The following ANKRD36B variants were observed in gnomAD, a reference collection of about 807,000 sequenced individuals.
ANKRD36B encodes ankyrin repeat domain-containing protein 36B.
A neutral mutation model predicts 135.7 loss-of-function variants in ANKRD36B; 37 were observed. The ratio of observed to expected loss-of-function variants is 0.27; its 90% CI spans 0.21 to 0.36. The LOEUF (loss-of-function observed/expected upper bound fraction) is 0.36, where lower values mean the gene tolerates loss of function less well. Ranked by LOEUF, ANKRD36B falls within the 10% of genes least tolerant of loss-of-function variation. ANKRD36B has a pLI of 1.00. For synonymous variants in ANKRD36B, 179 were observed against 348.1 expected, an observed-to-expected ratio of 0.51 and a Z score of 5.41; for missense variants, 549 against 1,037.1, an observed-to-expected ratio of 0.53 and a Z score of 6.46.
At position 97,589,598 on chromosome 2, in the gene ANKRD36B, G is replaced by T. The variant is rs1559261610; in HGVS notation, c.88C>A (p.Arg30Ser). The T allele has an allele frequency of 1.2e-6, 2 of 1,613,820 alleles. No homozygotes were observed. The highest frequency in any genetic ancestry group is 2.7e-5 in the African/African-American group (2 of 74,888). Residue 30 changes from arginine to serine, a missense_variant, in exon 1 of 44, where the codon CGT becomes AGT. Arg to Ser is a moderately radical substitution (Grantham distance 110). Transcript: ENST00000359901. ...TACTTCAGTTTCTCCAGATTACCACGTAAGACAGCTCTGTGGATCCTCTTC... is the reference window on the plus strand; with the variant it reads ...TACTTCAGTTTCTCCAGATTACCACTTAAGACAGCTCTGTGGATCCTCTTC... ...HLKRIHRAVL[R>S]GNLEKLKYLL...
chr2:97,589,792 GCAA>G lies in ANKRD36B; in HGVS notation c.-110_-108del. On this transcript the variant is annotated 5_prime_UTR_variant, in exon 1 of 44. Coordinates refer to ENST00000359901, the MANE Select transcript of ANKRD36B (RefSeq NM_001393939.1). ...CTTCGGGGATCGCCGCCTCCGAAGAGCAACAACAGGCAAAGCAGTCTGTGCACG... is the reference window on the plus strand; with the variant it reads ...CTTCGGGGATCGCCGCCTCCGAAGAGCAACAGGCAAAGCAGTCTGTGCACG... The G allele has an allele frequency of 6.5e-7, 1 of 1,541,938 alleles. No homozygotes were observed. The highest frequency in any genetic ancestry group is 8.9e-7 in the Non-Finnish European group (1 of 1,126,600).
chr2:97,559,746 T>G (rs554852088), intron 8 of ANKRD36B, among the ~76,000 whole-genome samples: 26 of 152,116 alleles, frequency 1.7e-4, no homozygotes, highest in African/African-American at 6.3e-4. Flanking sequence ...TAATAAGTTT[T>G]ACATTCAGAA....
chr2:97,532,188 T>C, intron 35 of ANKRD36B, 123 bp downstream of exon 35: 1 of 501,440 alleles, frequency 2.0e-6, no homozygotes, highest in South Asian at 1.7e-5. Context: ...AAATGAAATA[T>C]TAAATTATAA....
At chr2:97,533,809 G>C (rs1004720792) in intron 34 of ANKRD36B, among the ~76,000 whole-genome samples, 2 of 95,362 alleles carry the variant, frequency 2.1e-5, no homozygotes, top group African/African-American at 6.3e-5. Context: ...TGTAATCACA[G>C]CACTTTGGGA....
Position 97,513,185 on chromosome 2 carries a change from T to G in ANKRD36B, c.2800A>C (p.Asn934His). The G allele has an allele frequency of 7.1e-7, 1 of 1,404,984 alleles. No homozygotes were observed. Among genetic ancestry groups the G allele is most frequent in the Non-Finnish European group, 9.4e-7 (1 of 1,061,774 alleles). The allele number at this position is 1,404,984 out of a possible 1,614,324, so 87.0% of individuals were successfully genotyped here. The change falls in exon 38 of 44, where the codon AAT becomes CAT. Residue 934 changes from asparagine (N) to histidine (H), a missense_variant. Coordinates refer to ENST00000359901, the MANE Select transcript of ANKRD36B (RefSeq NM_001393939.1). Reference protein sequence around the residue: ...VELKTGGNNSNQVSETDEKED... With the variant: ...VELKTGGNNSHQVSETDEKED... ...TTTACCAAACATTAATTTACCTGAT[T>G]TGAATTATTTCCTCCTGTCTTCAAT...
Position 97,539,374 on chromosome 2 carries a change from A to C in ANKRD36B, c.1987+660T>G, listed in dbSNP as rs1344151998. Among the ~76,000 whole-genome samples the C allele has an allele frequency of 2.1e-5, 2 of 96,848 alleles. 1 individual carries two copies. The highest frequency in any genetic ancestry group is 5.5e-5 in the Non-Finnish European group (2 of 36,370). The allele number at this position is 96,848 out of a possible 152,430, so 63.5% of individuals were successfully genotyped here. On this transcript the variant is annotated intron_variant, in intron 30 of 43. Transcript: ENST00000359901. The stretch of plus-strand genomic sequence containing the variant: ...ACATATATCTCTGACACCCAAGAGT[A>C]ACAAAGAGGAGCAATGAGTCACTGT...
Position 97,553,151 on chromosome 2 carries a change from G to A in ANKRD36B, c.1273+17C>T. ...ATCTGGATTGAACATGACATTGAAT[G>A]TGTTTTGCAAAATTACCTGTCCCAG... On this transcript the variant is annotated intron_variant, in intron 16 of 43. Transcript: ENST00000359901. 6.2e-7 allele frequency: 1 copy of A among 1,607,282 alleles called. No homozygotes were observed. The highest frequency in any genetic ancestry group is 8.5e-7 in the Non-Finnish European group (1 of 1,175,968).
In ANKRD36B at chr2:97,524,788, G is replaced by GT. The variant is rs1486296527; in HGVS notation, c.2266-1322dup. On this transcript the variant is annotated intron_variant, in intron 35 of 43. Transcript: ENST00000359901. Reference sequence around the variant, plus strand: ...TAACTTATTTGTGATGAATTTTAAAGTTTTTTTACCCTAATTTGTCTTGTT... The same window carrying GT: ...TAACTTATTTGTGATGAATTTTAAAGTTTTTTTTACCCTAATTTGTCTTGTT... 1.1e-4 allele frequency: 11 copies of GT among 96,960 alleles called. 5 individuals carry two copies. The highest frequency in any genetic ancestry group is 2.8e-4 in the African/African-American group (9 of 32,352). 6.0% of individuals were successfully genotyped at this position (96,960 alleles called of 1,614,324 possible).
At chr2:97,546,998 G>A (rs2079530343) in intron 22 of ANKRD36B, among the ~76,000 whole-genome samples, 1 of 151,582 alleles carries the variant, frequency 6.6e-6, no homozygotes, top group Non-Finnish European at 1.5e-5. Flanking sequence ...TGCATCTGAA[G>A]TGAGTTCACT....
chr2:97,579,996 T>C lies in ANKRD36B; in HGVS notation c.557+466A>G, dbSNP rs139220034. On this transcript the variant is annotated intron_variant, in intron 4 of 43. Coordinates refer to ENST00000359901, the MANE Select transcript of ANKRD36B (RefSeq NM_001393939.1). The stretch of plus-strand genomic sequence containing the variant: ...TGTGTGAACCTAAAGCTTGTCTTCA[T>C]TGAAGTAAAGTTTTATCCATCTAAA... Among the ~76,000 whole-genome samples, 69 of 152,342 alleles carry C rather than the reference T, an allele frequency of 4.5e-4. 1 individual carries two copies. Among genetic ancestry groups the C allele is most frequent in the African/African-American group, 1.4e-3 (58 of 41,558 alleles).
intron 18 of ANKRD36B, among the ~76,000 whole-genome samples, chr2:97,550,559 T>C (rs1170619193): frequency 6.6e-6 from 1 of 151,858 alleles, no homozygotes; most frequent in Admixed American, 6.6e-5. Context: ...GCCAATGTGT[T>C]CATATTCAAG....
In ANKRD36B at chr2:97,540,139, A is replaced by G. The variant is rs754550388; in HGVS notation, c.1915-33T>C. On this transcript the variant is annotated intron_variant, in intron 29 of 43. Coordinates refer to ENST00000359901, the MANE Select transcript of ANKRD36B (RefSeq NM_001393939.1). Reference sequence around the variant, plus strand: ...GAATTTGAAACAAAATAATAAATAAATAAAGTATGTTTCATAGACTATACA... The same window carrying G: ...GAATTTGAAACAAAATAATAAATAAGTAAAGTATGTTTCATAGACTATACA... 28 of 941,534 alleles carry G rather than the reference A, an allele frequency of 3.0e-5. 7 individuals carry two copies. The African/African-American group carries it at 4.8e-4, about 16-fold the overall frequency. The allele number at this position is 941,534 out of a possible 1,614,324, so 58.3% of individuals were successfully genotyped here.
At chr2:97,535,970 C>T (rs2078866446) in intron 34 of ANKRD36B, among the ~76,000 whole-genome samples, 1 of 93,802 alleles carries the variant, frequency 1.1e-5, no homozygotes, top group South Asian at 2.4e-4. Context: ...GAGGCTGAGG[C>T]AGGAGAATTG....
At chr2:97,547,778 A>G in intron 20 of ANKRD36B, 47 bp from the exon 21 acceptor site, 2 of 1,539,570 alleles carry the variant, frequency 1.3e-6, no homozygotes, top group Non-Finnish European at 8.8e-7. Flanking sequence ...AAAAATGACA[A>G]AATTATCCAC....
intron 18 of ANKRD36B, among the ~76,000 whole-genome samples, chr2:97,549,845 A>G (rs915487075): frequency 1.3e-5 from 2 of 151,928 alleles, no homozygotes; most frequent in South Asian, 2.1e-4. Flanking sequence ...GATTTCTCAT[A>G]TGTCAAAAAC....
At chr2:97,546,826 A>G (rs977109825) in intron 22 of ANKRD36B, among the ~76,000 whole-genome samples, 3 of 151,648 alleles carry the variant, frequency 2.0e-5, no homozygotes, top group African/African-American at 7.3e-5. Context: ...AGATTATCGC[A>G]TTTTTATAAC....
intron 32 of ANKRD36B, among the ~76,000 whole-genome samples, chr2:97,536,857 A>C (rs1335050389): frequency 2.1e-5 from 2 of 97,394 alleles, no homozygotes; most frequent in East Asian, 4.6e-4. Flanking sequence ...CTGCGACTAC[A>C]TGACTTTCAT....
chr2:97,578,623 G>T (rs1577092486), intron 5 of ANKRD36B, among the ~76,000 whole-genome samples: 3 of 152,140 alleles, frequency 2.0e-5, no homozygotes, highest in African/African-American at 7.2e-5. Context: ...ATGCATAGGG[G>T]TTATACTGGA....
chr2:97,558,592 C>T (rs1431154926), intron 10 of ANKRD36B, among the ~76,000 whole-genome samples: 4 of 151,914 alleles, frequency 2.6e-5, no homozygotes, highest in Admixed American at 2.6e-4. Context: ...TTTCTTCTTC[C>T]CAATTTCAAT....
Sources: gnomAD v4.1 joint callset for allele counts (sites outside exome capture counted in the v4.1 genomes callset) on GRCh38, gnomAD v4.1.1 for gene constraint, MANE v1.5 for transcripts, NCBI Gene and HGNC (gene_info 2026-07-23, HGNC 2026-07-21) for gene names.